Variants in ELOVL2 observed in about 807,000 individuals in gnomAD.
The protein encoded by ELOVL2 is ELOVL fatty acid elongase 2, also known as very long chain fatty acid elongase 2.
ELOVL2 carries 38 observed loss-of-function variants against 37.7 expected under a neutral mutation model. The observed-to-expected ratio is 1.01, with a 90% CI of 0.78 to 1.32. The LOEUF (loss-of-function observed/expected upper bound fraction) is 1.32, where lower values mean the gene tolerates loss of function less well. Ranked by LOEUF, ELOVL2 falls within the 40% of genes most tolerant of loss-of-function variation. ELOVL2 has a pLI of 0.00. For synonymous variants in ELOVL2, 115 were observed against 122.3 expected, an observed-to-expected ratio of 0.94 and a Z score of 0.40; for missense variants, 352 against 363.6, an observed-to-expected ratio of 0.97 and a Z score of 0.26.
chr6:10,985,539 A>C lies in ELOVL2; in HGVS notation c.766-1633T>G, dbSNP rs1463278186. 2.0e-5 allele frequency among the ~76,000 whole-genome samples: 3 copies of C among 149,658 alleles called. No individual in the cohort carries two copies. The East Asian group carries it at 5.9e-4, about 30-fold the overall frequency. The stretch of plus-strand genomic sequence containing the variant: ...GTAATTTTTGTATAAGGTGTAAGGA[A>C]GGATCCAGTTTCAGCTTTCTACATA... On this transcript the variant is annotated intron_variant, in intron 7 of 7. Transcript: ENST00000354666.
At chr6:11,038,363 C>A (rs1332180831) in intron 1 of ELOVL2, among the ~76,000 whole-genome samples, 1 of 152,102 alleles carries the variant, frequency 6.6e-6, no homozygotes, top group Non-Finnish European at 1.5e-5. Flanking sequence ...CGCCTGTAGT[C>A]CCAGCTACTC....
At chr6:11,027,101 T>C (rs1035993216) in intron 1 of ELOVL2, among the ~76,000 whole-genome samples, 3 of 152,234 alleles carry the variant, frequency 2.0e-5, no homozygotes, top group African/African-American at 4.8e-5. Context: ...TTTATATCTT[T>C]AGATAAAATA....
In ELOVL2 at chr6:10,983,738, C is replaced by A. The variant is rs4532436; in HGVS notation, c.*43G>T. The A allele has an allele frequency of 9.1e-6, 14 of 1,543,056 alleles. No homozygotes were observed. The highest frequency in any genetic ancestry group is 1.2e-5 in the Non-Finnish European group (14 of 1,146,172). Reference sequence around the variant, plus strand: ...ATTCAGTCTTTGCTTTAAAACAAGCCAATCTGTTAGGCTAGTATATGTGCT... The same window carrying A: ...ATTCAGTCTTTGCTTTAAAACAAGCAAATCTGTTAGGCTAGTATATGTGCT... On this transcript the variant is annotated 3_prime_UTR_variant, in exon 8 of 8. Transcript: ENST00000354666.
At chr6:11,022,616 C>T (rs1220764373) in intron 1 of ELOVL2, among the ~76,000 whole-genome samples, 1 of 152,192 alleles carries the variant, frequency 6.6e-6, no homozygotes, top group African/African-American at 2.4e-5. Flanking sequence ...TTGAGTTTGC[C>T]ACTCAGCTGT....
At chr6:11,042,177 G>A (rs1783107563) in intron 1 of ELOVL2, among the ~76,000 whole-genome samples, 1 of 152,084 alleles carries the variant, frequency 6.6e-6, no homozygotes, top group South Asian at 2.1e-4. Context: ...GCCTGGTGTG[G>A]TGACGTGCGC....
chr6:11,021,347 A>G (rs929585541), intron 1 of ELOVL2, among the ~76,000 whole-genome samples: 6 of 152,220 alleles, frequency 3.9e-5, no homozygotes, highest in African/African-American at 1.2e-4. Flanking sequence ...TGAGCTCTCA[A>G]TAAGCATTTG....
intron 1 of ELOVL2, among the ~76,000 whole-genome samples, chr6:11,028,089 T>C (rs1413324519): frequency 1.3e-5 from 2 of 152,152 alleles, no homozygotes; most frequent in Non-Finnish European, 2.9e-5. Context: ...AATTTGGACT[T>C]TGGGGGAAAA....
chr6:11,023,470 T>C (rs961282320), intron 1 of ELOVL2, among the ~76,000 whole-genome samples: 1 of 152,256 alleles, frequency 6.6e-6, no homozygotes, highest in African/African-American at 2.4e-5. Flanking sequence ...ATTATTTCTA[T>C]GTATTTCTAT....
chr6:11,005,278 A>G (rs745554681), intron 3 of ELOVL2, 94 bp downstream of exon 3: 1 of 1,109,862 alleles, frequency 9.0e-7, no homozygotes, highest in Admixed American at 2.4e-5. Flanking sequence ...GTCTTAAAGT[A>G]ACCTTGCATA....
At chr6:11,010,834 T>G (rs966133587) in intron 1 of ELOVL2, 25 bp from the exon 2 acceptor site, 8 of 1,578,896 alleles carry the variant, frequency 5.1e-6, no homozygotes, top group Non-Finnish European at 6.9e-6. Context: ...AAAAAATGAT[T>G]TAAGTGTTTT....
In ELOVL2 at chr6:11,005,422, T is replaced by G. The variant is rs943017800; in HGVS notation, c.205A>C (p.Thr69Pro). Reference protein sequence around the residue: ...RPALSLRGILTLYNLGITLLS... With the variant: ...RPALSLRGILPLYNLGITLLS... ...AGTGTGATTCCAAGATTATACAAGG[T>G]GAGGATACCCCTGAGAGAAAGAGCA... is the stretch of plus-strand genomic sequence containing the variant. Residue 69 changes from threonine (T) to proline (P), a missense_variant, in exon 3 of 8, where the codon ACC becomes CCC. Physicochemically the swap from Thr to Pro is conservative, Grantham distance 38 (BLOSUM62 -1). Transcript: ENST00000354666. 3.1e-6 allele frequency: 5 copies of G among 1,613,890 alleles called. No individual in the cohort carries two copies. Among genetic ancestry groups the G allele is most frequent in the Non-Finnish European group, 4.2e-6 (5 of 1,179,974 alleles).
At chr6:10,991,070 C>G (rs950808637) in intron 5 of ELOVL2, among the ~76,000 whole-genome samples, 2 of 152,176 alleles carry the variant, frequency 1.3e-5, no homozygotes, top group Non-Finnish European at 2.9e-5. Flanking sequence ...GTCTAAAATC[C>G]AGGCCCCTGC....
rs4602718 is a variant in ELOVL2, at chr6:10,990,309, A to G, written c.630+9T>C. ...ACATGGAGAAAAGCTAAAAGAAGGG[A>G]CAACATACCAGCTGAGCCTGTGTGA... On this transcript the variant is annotated intron_variant, in intron 6 of 7. Transcript: ENST00000354666. 1.2e-6 allele frequency: 2 copies of G among 1,608,356 alleles called. No individual in the cohort carries two copies. Among genetic ancestry groups the G allele is most frequent in the South Asian group, 1.1e-5 (1 of 89,054 alleles).
intron 1 of ELOVL2, among the ~76,000 whole-genome samples, chr6:11,039,562 A>C (rs1783069267): frequency 6.6e-6 from 1 of 152,210 alleles, no homozygotes; most frequent in Admixed American, 6.5e-5. Context: ...TCAAACATTT[A>C]TCTTTTCTTA....
intron 1 of ELOVL2, among the ~76,000 whole-genome samples, chr6:11,023,676 A>G (rs767184295): frequency 6.6e-6 from 1 of 152,190 alleles, no homozygotes; most frequent in African/African-American, 2.4e-5. Flanking sequence ...TGCTGAATGA[A>G]ATCTTCAGCA....
chr6:10,988,530 C>T (rs964755053), intron 7 of ELOVL2, among the ~76,000 whole-genome samples: 1 of 152,196 alleles, frequency 6.6e-6, no homozygotes, highest in Non-Finnish European at 1.5e-5. Flanking sequence ...CGCCATTGCA[C>T]TCCAGCCTGG....
At position 10,994,154 on chromosome 6, in the gene ELOVL2, C is replaced by A. The variant is rs373677372; in HGVS notation, c.505+853G>T. On this transcript the variant is annotated intron_variant, in intron 5 of 7. Transcript: ENST00000354666. ...TTCCAGCCTGGGCAGAAGAATGAGA[C>A]CCTGTCTTAAAAAAATAAAAAAAGA... Among the ~76,000 whole-genome samples, 24 of 148,006 alleles carry A rather than the reference C, an allele frequency of 1.6e-4. No individual in the cohort carries two copies. In the South Asian group the frequency reaches 3.4e-3, roughly 21 times the overall value.
At chr6:11,002,744 T>G (rs1198724799) in intron 3 of ELOVL2, among the ~76,000 whole-genome samples, 1 of 152,236 alleles carries the variant, frequency 6.6e-6, no homozygotes, top group Non-Finnish European at 1.5e-5. Flanking sequence ...ACTAGCACTT[T>G]ACAATTCACA....
chr6:11,035,837 G>C (rs1782996958), intron 1 of ELOVL2, among the ~76,000 whole-genome samples: 1 of 152,146 alleles, frequency 6.6e-6, no homozygotes, highest in South Asian at 2.1e-4. Flanking sequence ...TGAAGCAGGG[G>C]CTGTCTTTTA....
Sources: allele counts gnomAD v4.1 joint callset (sites outside exome capture counted in the v4.1 genomes callset), GRCh38; gene constraint gnomAD v4.1.1; transcripts MANE v1.5; gene names NCBI Gene and HGNC (gene_info 2026-07-23, HGNC 2026-07-21).